ARNT2: variants seen among roughly 807,000 people sequenced by gnomAD.
The protein encoded by ARNT2 is ARNT protein 2.
In ARNT2, 36 loss-of-function variants were observed where a neutral mutation model predicts 91.7. That is an observed-to-expected ratio of 0.39 (90% CI 0.30 to 0.52). ARNT2 has a LOEUF of 0.52. Ranked by LOEUF, ARNT2 falls within the 20% of genes least tolerant of loss-of-function variation. ARNT2 has a pLI of 0.72. For synonymous variants in ARNT2, 365 were observed against 347.1 expected (o/e 1.05, Z -0.57); for missense variants, 775 against 939.3 (o/e 0.83, Z 2.29).
At chr15:80,548,487 A>G (rs1023393649) in intron 8 of ARNT2, among the ~76,000 whole-genome samples, 2 of 152,176 alleles carry the variant, frequency 1.3e-5, no homozygotes, top group Admixed American at 1.3e-4. Flanking sequence ...AGAAAAAGGA[A>G]AACTGTCTCT....
chr15:80,485,226 A>G (rs748223092), intron 5 of ARNT2, among the ~76,000 whole-genome samples: 11 of 152,194 alleles, frequency 7.2e-5, no homozygotes, highest in Non-Finnish European at 1.5e-4. Flanking sequence ...GTAGGCCCTG[A>G]TCTTTGTTAG....
At chr15:80,491,622 A>G (rs182617718) in intron 5 of ARNT2, among the ~76,000 whole-genome samples, 3 of 152,234 alleles carry the variant, frequency 2.0e-5, no homozygotes, top group Admixed American at 2.0e-4. Context: ...CCCTGAAAGC[A>G]TGTTAACATG....
intron 8 of ARNT2, among the ~76,000 whole-genome samples, chr15:80,517,992 C>CA (rs1897468136): frequency 6.6e-6 from 1 of 152,136 alleles, no homozygotes; most frequent in Non-Finnish European, 1.5e-5. Context: ...ACACCTGAGT[C>CA]TGGTTCCAGT....
At chr15:80,483,481 G>A (rs1385541638) in intron 5 of ARNT2, among the ~76,000 whole-genome samples, 1 of 152,178 alleles carries the variant, frequency 6.6e-6, no homozygotes, top group African/African-American at 2.4e-5. Context: ...GGGGTTTGCT[G>A]TCCCCTCTAT....
chr15:80,592,134 C>T (rs533900849), intron 18 of ARNT2, among the ~76,000 whole-genome samples: 2 of 152,308 alleles, frequency 1.3e-5, no homozygotes, highest in Admixed American at 1.3e-4. Context: ...TGCTCAGTGC[C>T]AGCCTTGCCC....
chr15:80,427,508 G>T (rs543628874), intron 1 of ARNT2, among the ~76,000 whole-genome samples: 2 of 152,242 alleles, frequency 1.3e-5, no homozygotes, highest in Middle Eastern at 3.4e-3. Context: ...GTTCTGCTAA[G>T]GAGAACACGG....
intron 3 of ARNT2, 110 bp downstream of exon 3, chr15:80,458,086 G>A: frequency 8.7e-7 from 1 of 1,150,570 alleles, no homozygotes; most frequent in African/African-American, 1.5e-5. Context: ...ATTGCCTGCA[G>A]TTTGACTGGT....
Position 80,576,952 on chromosome 15 carries a change from G to A in ARNT2, c.1600G>A (p.Gly534Arg), listed in dbSNP as rs745941675. 13 of 1,613,924 alleles carry A rather than the reference G, an allele frequency of 8.1e-6. No individual in the cohort carries two copies. In the East Asian group the frequency reaches 1.1e-4, roughly 14 times the overall value. The change falls in exon 15 of 19, where the codon GGG becomes AGG. Residue 534 changes from glycine (G) to arginine (R), a missense_variant. Gly to Arg is a moderately radical substitution (Grantham distance 125, BLOSUM62 -2). Around this residue, in one of 5 missense-constraint regions of ARNT2, gnomAD observed 325 missense variants for 359.9 expected, o/e 0.90. Transcript: ENST00000303329. ...QGSPFPSGHSGKAFSSSVVHV... is the reference protein window; with the variant it reads ...QGSPFPSGHSRKAFSSSVVHV... Reference sequence around the variant, plus strand: ...AAGCCCATTTCCCTCTGGACACTCCGGGAAGGCCTTCAGGTATGTGCCAGC... The same window carrying A: ...AAGCCCATTTCCCTCTGGACACTCCAGGAAGGCCTTCAGGTATGTGCCAGC...
chr15:80,589,578 C>G (rs1893237252), intron 17 of ARNT2, among the ~76,000 whole-genome samples: 1 of 152,210 alleles, frequency 6.6e-6, no homozygotes, highest in Admixed American at 6.5e-5. Flanking sequence ...TCCCTCCACC[C>G]TTCTGCCAAG....
chr15:80,431,081 C>T (rs182918895), intron 1 of ARNT2, among the ~76,000 whole-genome samples: 66 of 152,264 alleles, frequency 4.3e-4, no homozygotes, highest in African/African-American at 1.5e-3. Context: ...CAATGGACAC[C>T]GCTCAGGTAC....
intron 8 of ARNT2, among the ~76,000 whole-genome samples, chr15:80,535,818 G>C (rs934400023): frequency 1.3e-5 from 2 of 151,908 alleles, no homozygotes; most frequent in Non-Finnish European, 2.9e-5. Context: ...CAAACGCAGA[G>C]CTTTCCATTC....
intron 11 of ARNT2, 169 bp downstream of exon 11, chr15:80,555,308 A>G: frequency 1.6e-6 from 1 of 617,882 alleles, no homozygotes; most frequent in Non-Finnish European, 2.9e-6. Context: ...GGGAAGACAG[A>G]CACACATCAG....
rs1893393497 is a variant in ARNT2 at position 80,597,500 on chromosome 15, T to TG, written c.*3806dup. On this transcript the variant is annotated 3_prime_UTR_variant, in exon 19 of 19. Transcript: ENST00000303329. ...ACCTTTTCTTTGACCATCTGGAGTC[T>TG]GGGGCAACTTAAGGAGGCACCACAC... The TG allele has an allele frequency of 3.1e-6, 1 of 320,752 alleles. No homozygotes were observed. Among genetic ancestry groups the TG allele is most frequent in the African/African-American group, 2.2e-5 (1 of 46,036 alleles). 19.9% of individuals were successfully genotyped at this position (320,752 alleles called of 1,614,324 possible). A position where few individuals can be genotyped will look rare whatever the true frequency, so the allele number is the denominator to read the frequency against.
chr15:80,584,197 GTACA>G (rs1466139080), intron 17 of ARNT2, among the ~76,000 whole-genome samples: 4 of 152,152 alleles, frequency 2.6e-5, no homozygotes, highest in Non-Finnish European at 5.9e-5. Flanking sequence ...TCTGTGATGA[GTACA>G]CTGCTGGAGG....
At chr15:80,584,527 GA>G (rs1294314141) in intron 17 of ARNT2, among the ~76,000 whole-genome samples, 1 of 152,122 alleles carries the variant, frequency 6.6e-6, no homozygotes, top group East Asian at 1.9e-4. Flanking sequence ...GGTGAGTGGA[GA>G]AGGAACAGAG....
intron 8 of ARNT2, among the ~76,000 whole-genome samples, chr15:80,518,886 A>G (rs1288006700): frequency 6.6e-6 from 1 of 152,012 alleles, no homozygotes; most frequent in Non-Finnish European, 1.5e-5. Context: ...CTCTGGACAT[A>G]TTTCAAAATG....
At chr15:80,438,298 C>T (rs1485804558) in intron 1 of ARNT2, among the ~76,000 whole-genome samples, 2 of 152,070 alleles carry the variant, frequency 1.3e-5, no homozygotes, top group Non-Finnish European at 2.9e-5. Context: ...GAATGAACTA[C>T]GTTGGTTTTG....
At chr15:80,480,541 G>T (rs1221686940) in intron 5 of ARNT2, among the ~76,000 whole-genome samples, 1 of 152,130 alleles carries the variant, frequency 6.6e-6, no homozygotes, top group African/African-American at 2.4e-5. Flanking sequence ...ATGTGCACAA[G>T]CATAACCCAC....
intron 1 of ARNT2, among the ~76,000 whole-genome samples, chr15:80,418,482 T>G (rs1895817344): frequency 6.6e-6 from 1 of 152,204 alleles, no homozygotes; most frequent in African/African-American, 2.4e-5. Context: ...TGTCCTGACT[T>G]CTGCAGCTGA....
Sources: allele counts gnomAD v4.1 joint callset (sites outside exome capture counted in the v4.1 genomes callset), GRCh38; gene constraint gnomAD v4.1.1; regional missense constraint gnomAD v4.1.1; transcripts MANE v1.5; gene names NCBI Gene and HGNC (gene_info 2026-07-23, HGNC 2026-07-21).